The following BBS9 variants were observed in gnomAD, a reference collection of about 807,000 sequenced individuals.
The protein encoded by BBS9 is protein PTHB1.
A neutral mutation model predicts 117.7 loss-of-function variants in BBS9; 89 were observed. The observed-to-expected ratio is 0.76, with a 90% CI of 0.64 to 0.90. The LOEUF (loss-of-function observed/expected upper bound fraction) is 0.90. Ranked by LOEUF, BBS9 falls within the 40% of genes least tolerant of loss-of-function variation. The pLI, the probability that BBS9 is intolerant of heterozygous loss-of-function variation, is 0.00. For synonymous variants in BBS9, 379 were observed against 370.9 expected, an observed-to-expected ratio of 1.02 and a Z score of -0.25; for missense variants, 982 against 1,042.2, an observed-to-expected ratio of 0.94 and a Z score of 0.80.
intron 18 of BBS9, among the ~76,000 whole-genome samples, chr7:33,384,789 C>T (rs552009943): frequency 6.6e-6 from 1 of 151,878 alleles, no homozygotes; most frequent in Admixed American, 6.6e-5. Flanking sequence ...ATTCTAAGAG[C>T]ATTGACTTTC....
chr7:33,499,299 A>G (rs1845142905), intron 19 of BBS9, among the ~76,000 whole-genome samples: 1 of 152,194 alleles, frequency 6.6e-6, no homozygotes, highest in Admixed American at 6.5e-5. Context: ...TAGAGCCCAG[A>G]AAAGGGAAGT....
intron 21 of BBS9, among the ~76,000 whole-genome samples, chr7:33,625,130 A>AT (rs1338677256): frequency 1.3e-5 from 2 of 152,064 alleles, no homozygotes; most frequent in African/African-American, 4.8e-5. Flanking sequence ...ATGTTTTGTC[A>AT]TTTTTTTGTT....
intron 5 of BBS9, among the ~76,000 whole-genome samples, chr7:33,183,782 C>A (rs1583515151): frequency 1.3e-5 from 2 of 152,228 alleles, no homozygotes; most frequent in Non-Finnish European, 2.9e-5. Context: ...CTCCCAAGGA[C>A]ATAAAACAAG....
At chr7:33,603,429 G>T (rs1250949211) in intron 21 of BBS9, among the ~76,000 whole-genome samples, 1 of 152,084 alleles carries the variant, frequency 6.6e-6, no homozygotes, top group Non-Finnish European at 1.5e-5. Context: ...CCTCTCCAAA[G>T]GTCTCAGCCC....
chr7:33,482,839 G>T (rs1842668980), intron 19 of BBS9, among the ~76,000 whole-genome samples: 1 of 152,096 alleles, frequency 6.6e-6, no homozygotes, highest in Admixed American at 6.6e-5. Flanking sequence ...CTGTTTCTGG[G>T]CTATTCTGGG....
intron 18 of BBS9, among the ~76,000 whole-genome samples, chr7:33,385,490 C>T (rs1235767260): frequency 6.6e-6 from 1 of 152,104 alleles, no homozygotes; most frequent in Non-Finnish European, 1.5e-5. Flanking sequence ...AGTGCCTGGA[C>T]CAGGGTTTGG....
At chr7:33,538,839 A>G (rs1440430905) in intron 21 of BBS9, among the ~76,000 whole-genome samples, 4 of 151,890 alleles carry the variant, frequency 2.6e-5, no homozygotes, top group Non-Finnish European at 2.9e-5. Flanking sequence ...TTCTCATCAG[A>G]AGTATATGGG....
intron 21 of BBS9, among the ~76,000 whole-genome samples, chr7:33,581,134 T>TC (rs1193370651): frequency 6.6e-6 from 1 of 151,816 alleles, no homozygotes; most frequent in Non-Finnish European, 1.5e-5. Flanking sequence ...GTGAGAAGAA[T>TC]CTTTTTTATT....
chr7:33,445,420 T>TG (rs1161468900), intron 19 of BBS9, among the ~76,000 whole-genome samples: 1 of 152,206 alleles, frequency 6.6e-6, no homozygotes, highest in Non-Finnish European at 1.5e-5. Flanking sequence ...ACACATGTAT[T>TG]GCATTTATGT....
chr7:33,171,277 C>G (rs1207233628), intron 4 of BBS9, among the ~76,000 whole-genome samples: 2 of 151,840 alleles, frequency 1.3e-5, no homozygotes, highest in Non-Finnish European at 2.9e-5. Flanking sequence ...TGGAACAGAA[C>G]AGAGCCCTCA....
At chr7:33,228,606 A>G (rs1394320550) in intron 5 of BBS9, among the ~76,000 whole-genome samples, 1 of 152,138 alleles carries the variant, frequency 6.6e-6, no homozygotes, top group African/African-American at 2.4e-5. Context: ...TGCCTTACTG[A>G]TAACATAAAC....
At chr7:33,481,488 G>T (rs1337568079) in intron 19 of BBS9, among the ~76,000 whole-genome samples, 1 of 151,806 alleles carries the variant, frequency 6.6e-6, no homozygotes, top group Non-Finnish European at 1.5e-5. Flanking sequence ...TATGTAATAT[G>T]ATATTATATA....
chr7:33,349,189 C>G lies in BBS9; in HGVS notation c.1432+19C>G. On this transcript the variant is annotated intron_variant, in intron 13 of 22. Coordinates refer to ENST00000242067, the MANE Select transcript of BBS9 (RefSeq NM_198428.3). ...TTTATGAGTAAGTTTTTTGTTTTGGCTGAAAGTCTACCATGGTGTGAATTT... is the reference window on the plus strand; with the variant it reads ...TTTATGAGTAAGTTTTTTGTTTTGGGTGAAAGTCTACCATGGTGTGAATTT... 6.5e-7 allele frequency: 1 copy of G among 1,546,146 alleles called. No homozygotes were observed. Among genetic ancestry groups the G allele is most frequent in the Non-Finnish European group, 8.9e-7 (1 of 1,118,820 alleles).
At chr7:33,579,814 G>A (rs1226055101) in intron 21 of BBS9, among the ~76,000 whole-genome samples, 2 of 152,056 alleles carry the variant, frequency 1.3e-5, no homozygotes, top group Admixed American at 6.6e-5. Flanking sequence ...TTAAAACTAA[G>A]CAGTTTATGT....
intron 19 of BBS9, among the ~76,000 whole-genome samples, chr7:33,401,206 AATG>A (rs1406075734): frequency 1.3e-5 from 2 of 152,196 alleles, no homozygotes; most frequent in African/African-American, 2.4e-5. Flanking sequence ...TCCCAGTTAG[AATG>A]ATAAGCCAGA....
chr7:33,229,303 A>T (rs1187282698), intron 5 of BBS9, among the ~76,000 whole-genome samples: 1 of 151,284 alleles, frequency 6.6e-6, no homozygotes, highest in African/African-American at 2.4e-5. Flanking sequence ...TTTATTGTAC[A>T]TATCTGCTAC....
At chr7:33,369,202 A>G (rs1219275441) in intron 17 of BBS9, among the ~76,000 whole-genome samples, 1 of 152,292 alleles carries the variant, frequency 6.6e-6, no homozygotes, top group East Asian at 1.9e-4. Context: ...TTTAACAGTT[A>G]TCCTTGGTTA....
At position 33,383,825 on chromosome 7, in the gene BBS9, A is replaced by G. The variant is rs201876934; in HGVS notation, c.1949A>G (p.Asp650Gly). The change falls in exon 18 of 23, where the codon GAT (aspartate) becomes GGT (glycine). Residue 650 changes from aspartate to glycine, a missense_variant. Physicochemically the swap from Asp to Gly is moderately conservative, Grantham distance 94 (BLOSUM62 -1). Coordinates refer to ENST00000242067, the MANE Select transcript of BBS9 (RefSeq NM_198428.3). ...IPLQEYFELIDHHFELRINGE... is the reference protein window; with the variant it reads ...IPLQEYFELIGHHFELRINGE... ...CTTCAAGAATATTTTGAGTTGATTG[A>G]TCATCATTTTGAGGTATGTATGATC... The G allele has an allele frequency of 3.2e-5, 52 of 1,612,030 alleles. No homozygotes were observed. In the Admixed American group the frequency reaches 3.8e-4, roughly 12 times the overall value.
At chr7:33,270,601 G>A (rs1383392551) in intron 7 of BBS9, among the ~76,000 whole-genome samples, 1 of 152,222 alleles carries the variant, frequency 6.6e-6, no homozygotes, top group African/African-American at 2.4e-5. Context: ...AGACCAAGCT[G>A]TGGAAAGAAT....
Sources: gnomAD v4.1 joint callset for allele counts (sites outside exome capture counted in the v4.1 genomes callset) on GRCh38, gnomAD v4.1.1 for gene constraint, MANE v1.5 for transcripts, NCBI Gene and HGNC (gene_info 2026-07-23, HGNC 2026-07-21) for gene names.